ULK4: variants seen among roughly 807,000 people sequenced by gnomAD.
ULK4 encodes inactive serine/threonine-protein kinase ULK4.
ULK4 carries 133 observed loss-of-function variants against 160.6 expected under a neutral mutation model. That is an observed-to-expected ratio of 0.83 (90% CI 0.72 to 0.96). The LOEUF (loss-of-function observed/expected upper bound fraction) is 0.96. ULK4 is among the 40% of genes least tolerant of loss of function. ULK4 has a pLI of 0.00. For synonymous variants in ULK4, 534 were observed against 539.8 expected, an observed-to-expected ratio of 0.99 and a Z score of 0.15; for missense variants, 1,580 against 1,499.5, an observed-to-expected ratio of 1.05 and a Z score of -0.89.
At chr3:41,747,094 G>C (rs190915837) in intron 22 of ULK4, among the ~76,000 whole-genome samples, 2 of 151,912 alleles carry the variant, frequency 1.3e-5, no homozygotes, top group East Asian at 3.9e-4. Flanking sequence ...TTGGGATCTA[G>C]ACAGAGTTCT....
chr3:41,945,503 A>G (rs1188568717), intron 2 of ULK4, among the ~76,000 whole-genome samples: 1 of 151,142 alleles, frequency 6.6e-6, no homozygotes, highest in Non-Finnish European at 1.5e-5. Flanking sequence ...GCTCCCTTTC[A>G]CTCTCCTTTG....
intron 22 of ULK4, among the ~76,000 whole-genome samples, chr3:41,727,735 G>GT (rs990134878): frequency 1.3e-5 from 2 of 151,850 alleles, no homozygotes; most frequent in Admixed American, 6.6e-5. Context: ...CTGACATGTG[G>GT]TTAAAAAAAA....
chr3:41,733,987 T>A (rs1424120502), intron 22 of ULK4, among the ~76,000 whole-genome samples: 1 of 152,096 alleles, frequency 6.6e-6, no homozygotes. Context: ...TCCACCTGCC[T>A]TGGCCTCCCA....
chr3:41,946,463 C>T (rs1575999696), intron 2 of ULK4, among the ~76,000 whole-genome samples: 2 of 152,184 alleles, frequency 1.3e-5, no homozygotes, highest in African/African-American at 4.8e-5. Flanking sequence ...TATTACATGA[C>T]TGCATACGTT....
chr3:41,265,282 G>A (rs1467798911), intron 35 of ULK4, among the ~76,000 whole-genome samples: 2 of 152,234 alleles, frequency 1.3e-5, no homozygotes, highest in Admixed American at 6.5e-5. Flanking sequence ...TAGGACTGAG[G>A]GCAGCCACGT....
intron 29 of ULK4, among the ~76,000 whole-genome samples, chr3:41,671,258 C>A (rs753438457): frequency 6.6e-6 from 1 of 151,532 alleles, no homozygotes; most frequent in Non-Finnish European, 1.5e-5. Context: ...GTAATGACAA[C>A]AACAAAAAAG....
At chr3:41,580,606 T>C (rs1429739999) in intron 31 of ULK4, among the ~76,000 whole-genome samples, 2 of 152,108 alleles carry the variant, frequency 1.3e-5, no homozygotes, top group African/African-American at 4.8e-5. Context: ...GGTAAAACTT[T>C]AGGCAGATGG....
chr3:41,612,709 A>C (rs1424634857), intron 31 of ULK4, among the ~76,000 whole-genome samples: 1 of 152,200 alleles, frequency 6.6e-6, no homozygotes, highest in East Asian at 1.9e-4. Context: ...TTTTATATAG[A>C]TAAGATCTCA....
chr3:41,281,609 G>A (rs1344711042), intron 35 of ULK4, among the ~76,000 whole-genome samples: 1 of 152,108 alleles, frequency 6.6e-6, no homozygotes. Flanking sequence ...AGCTCTTCAT[G>A]CTAAAAACTC....
intron 34 of ULK4, among the ~76,000 whole-genome samples, chr3:41,450,408 A>C (rs1366491287): frequency 6.6e-6 from 1 of 152,220 alleles, no homozygotes; most frequent in Non-Finnish European, 1.5e-5. Flanking sequence ...ACAGACTTAG[A>C]ATCACTGTCT....
chr3:41,512,246 T>C (rs768206956), intron 32 of ULK4, among the ~76,000 whole-genome samples: 13 of 152,192 alleles, frequency 8.5e-5, no homozygotes, highest in Non-Finnish European at 1.9e-4. Context: ...CTTTCATCAC[T>C]TCTATTCAAC....
At chr3:41,546,797 A>T (rs967278023) in intron 32 of ULK4, among the ~76,000 whole-genome samples, 1 of 149,544 alleles carries the variant, frequency 6.7e-6, no homozygotes, top group Non-Finnish European at 1.5e-5. Flanking sequence ...AAAAAGCCAG[A>T]GTGAACACAA....
At chr3:41,306,801 A>G (rs1231508017) in intron 35 of ULK4, among the ~76,000 whole-genome samples, 1 of 151,860 alleles carries the variant, frequency 6.6e-6, no homozygotes. Context: ...GTTCTGTACT[A>G]AGAAAACTTC....
At chr3:41,460,448 A>C (rs954101808) in intron 33 of ULK4, among the ~76,000 whole-genome samples, 6 of 152,190 alleles carry the variant, frequency 3.9e-5, no homozygotes, top group Admixed American at 1.3e-4. Flanking sequence ...TAAGATGACG[A>C]CTTGCTTCAT....
chr3:41,935,201 ATTTATTTATTTTTT>A (rs1699727395), intron 4 of ULK4, among the ~76,000 whole-genome samples: 3 of 2,544 alleles, frequency 1.2e-3, no homozygotes, highest in African/African-American at 1.4e-3. Flanking sequence ...GTTTTTATTT[ATTTATTTATTTTTT>A]TTTTTTTTTT....
intron 17 of ULK4, among the ~76,000 whole-genome samples, chr3:41,869,589 TCA>T (rs1352631100): frequency 2.0e-5 from 3 of 151,892 alleles, no homozygotes; most frequent in African/African-American, 7.3e-5. Context: ...AAAAAAACAC[TCA>T]CATATACAAT....
intron 1 of ULK4, among the ~76,000 whole-genome samples, chr3:41,957,029 C>T (rs1283986171): frequency 6.6e-6 from 1 of 152,204 alleles, no homozygotes; most frequent in Admixed American, 6.5e-5. Context: ...GCCAACATAA[C>T]TCTTTAGTTT....
rs776794304 is a variant in ULK4, at chr3:41,249,478, G to T, written c.3764+11C>A. ...TAGAGCAGACTGCTGATCCTCCTGG[G>T]TCCCACTTACCCACTCCCAGGGGCC... is the stretch of plus-strand genomic sequence containing the variant. On this transcript the variant is annotated intron_variant, in intron 36 of 36. Coordinates refer to ENST00000301831, the MANE Select transcript of ULK4 (RefSeq NM_017886.4). 1 of 1,611,802 alleles carries T rather than the reference G, an allele frequency of 6.2e-7. No individual in the cohort carries two copies. The highest frequency in any genetic ancestry group is 1.7e-5 in the Admixed American group (1 of 59,842).
intron 30 of ULK4, among the ~76,000 whole-genome samples, chr3:41,642,442 TG>T (rs1304700711): frequency 7.2e-5 from 11 of 152,150 alleles, no homozygotes; most frequent in Non-Finnish European, 1.0e-4. Context: ...ATGCAGTGTT[TG>T]GTTTTTTGTC....
Sources: allele counts gnomAD v4.1 joint callset (sites outside exome capture counted in the v4.1 genomes callset), GRCh38; gene constraint gnomAD v4.1.1; transcripts MANE v1.5; gene names NCBI Gene and HGNC (gene_info 2026-07-23, HGNC 2026-07-21).